The following ARHGAP6 variants were observed in gnomAD, a reference collection of about 807,000 sequenced individuals.
The protein encoded by ARHGAP6 is Rho GTPase activating protein 6, also known as rho GTPase-activating protein 6.
In ARHGAP6, 16 loss-of-function variants were observed where a neutral mutation model predicts 55.7. The ratio of observed to expected loss-of-function variants is 0.29; its 90% CI spans 0.19 to 0.44. The LOEUF is 0.44. ARHGAP6 is among the 20% of genes least tolerant of loss of function. The pLI is 1.00. For missense variants in ARHGAP6, 698 were observed against 808.9 expected, an observed-to-expected ratio of 0.86 and a Z score of 1.66; for synonymous variants, 382 against 360.9, an observed-to-expected ratio of 1.06 and a Z score of -0.66.
chrX:11,358,666 G>A (rs1478418522), intron 1 of ARHGAP6, among the ~76,000 whole-genome samples: 1 of 110,131 alleles, frequency 9.1e-6, no homozygotes, highest in Non-Finnish European at 1.9e-5. Flanking sequence ...TTTTTTAGTA[G>A]AGGTGGGGTT....
chrX:11,404,845 A>G (rs1295316330), intron 1 of ARHGAP6, among the ~76,000 whole-genome samples: 1 of 112,335 alleles, frequency 8.9e-6, no homozygotes, highest in Non-Finnish European at 1.9e-5. Flanking sequence ...CATTCTAACT[A>G]TCTTATTGTA....
chrX:11,324,017 AATAGCCAACACC>A, intron 1 of ARHGAP6, among the ~76,000 whole-genome samples: 1 of 111,761 alleles, frequency 8.9e-6, no homozygotes, highest in East Asian at 2.8e-4. Flanking sequence ...CAGCAGAAAC[AATAGCCAACACC>A]ATAGACATCT....
intron 1 of ARHGAP6, among the ~76,000 whole-genome samples, chrX:11,531,259 T>G (rs1345582230): frequency 8.9e-6 from 1 of 111,794 alleles, no homozygotes; most frequent in Non-Finnish European, 1.9e-5. Context: ...AATTCAGATG[T>G]TTGACTCTTA....
chrX:11,534,748 A>G (rs1248139841), intron 1 of ARHGAP6, among the ~76,000 whole-genome samples: 1 of 111,779 alleles, frequency 8.9e-6, no homozygotes, highest in Non-Finnish European at 1.9e-5. Flanking sequence ...ATTTTAAACT[A>G]TATTCTATTT....
chrX:11,618,937 T>C (rs1406510723), intron 1 of ARHGAP6, among the ~76,000 whole-genome samples: 1 of 111,661 alleles, frequency 9.0e-6, no homozygotes, highest in Non-Finnish European at 1.9e-5. Flanking sequence ...TTTTTTTTAA[T>C]GCAGACAATC....
intron 1 of ARHGAP6, among the ~76,000 whole-genome samples, chrX:11,281,102 A>G: frequency 8.9e-6 from 1 of 112,217 alleles, no homozygotes; most frequent in Non-Finnish European, 1.9e-5. Flanking sequence ...AACAAACTCC[A>G]ACCACCTACA....
chrX:11,651,291 CTGCT>C (rs75256726), intron 1 of ARHGAP6, among the ~76,000 whole-genome samples: 15,494 of 111,022 alleles, frequency 0.14, 1,021 homozygotes, highest in Middle Eastern at 0.26. Flanking sequence ...CCTCCTCCCA[CTGCT>C]CACCCTCAGG....
chrX:11,467,412 T>G (rs1603221340), intron 1 of ARHGAP6, among the ~76,000 whole-genome samples: 1 of 109,967 alleles, frequency 9.1e-6, no homozygotes. Context: ...CTAAAAAGGA[T>G]GTATCTTTAT....
intron 1 of ARHGAP6, among the ~76,000 whole-genome samples, chrX:11,315,251 C>T (rs756381230): frequency 1.8e-5 from 2 of 112,351 alleles, no homozygotes; most frequent in East Asian, 2.8e-4. Context: ...ACAGACAGTG[C>T]GGCGGGGATG....
At chrX:11,195,642 C>T (rs1029177548) in intron 3 of ARHGAP6, among the ~76,000 whole-genome samples, 3 of 110,219 alleles carry the variant, frequency 2.7e-5, no homozygotes, top group African/African-American at 9.9e-5. Flanking sequence ...GGGAACAAGA[C>T]ACACTGGAGC....
At chrX:11,276,646 TCTG>T (rs1569282518) in intron 1 of ARHGAP6, among the ~76,000 whole-genome samples, 1 of 111,709 alleles carries the variant, frequency 9.0e-6, no homozygotes, top group East Asian at 2.8e-4. Context: ...AAACAAGCCA[TCTG>T]CACTTACTGG....
intron 10 of ARHGAP6, among the ~76,000 whole-genome samples, chrX:11,145,943 C>G (rs769926981): frequency 8.9e-6 from 1 of 112,071 alleles, no homozygotes; most frequent in Non-Finnish European, 1.9e-5. Context: ...AATAACCAAA[C>G]CTTATTTTCC....
chrX:11,392,609 A>G (rs1422811912), intron 1 of ARHGAP6, among the ~76,000 whole-genome samples: 1 of 111,584 alleles, frequency 9.0e-6, no homozygotes, highest in Non-Finnish European at 1.9e-5. Context: ...CTTAATCTCA[A>G]ATTGATTGTC....
Position 11,492,483 on chromosome X carries a change from G to A in ARHGAP6, c.588+171758C>T, listed in dbSNP as rs749904391. On this transcript the variant is annotated intron_variant, in intron 1 of 12. Transcript: ENST00000337414. ...CATTCAAAGAGCACTGCTATCTACT[G>A]ACCAAGTCCTATACGTGCTGAGCAT... Among the ~76,000 whole-genome samples, 5 of 111,601 alleles carry A rather than the reference G, an allele frequency of 4.5e-5. No individual in the cohort carries two copies. The East Asian group carries it at 1.1e-3, about 25-fold the overall frequency.
In ARHGAP6 at chrX:11,626,379, C is replaced by T. The variant is rs926818110; in HGVS notation, c.588+37862G>A. Among the ~76,000 whole-genome samples the T allele has an allele frequency of 2.7e-5, 3 of 111,278 alleles. No individual in the cohort carries two copies. In the Admixed American group the frequency reaches 2.9e-4, roughly 11 times the overall value. ...CACAGGGTTTTATGATCTGTACAGA[C>T]TATTTCAGAAAATGGAAAAAAATTA... On this transcript the variant is annotated intron_variant, in intron 1 of 12. Coordinates refer to ENST00000337414, the MANE Select transcript of ARHGAP6 (RefSeq NM_013427.3).
intron 1 of ARHGAP6, among the ~76,000 whole-genome samples, chrX:11,325,611 T>C (rs1231065042): frequency 8.9e-6 from 1 of 112,489 alleles, no homozygotes. Context: ...CCTACACAGA[T>C]AACATCTGAA....
intron 1 of ARHGAP6, among the ~76,000 whole-genome samples, chrX:11,384,788 T>C (rs1264052076): frequency 9.0e-6 from 1 of 111,325 alleles, no homozygotes; most frequent in Non-Finnish European, 1.9e-5. Context: ...GTTTGAAAAG[T>C]TCCCCAGACC....
At chrX:11,156,666 C>T (rs767624752) in intron 9 of ARHGAP6, 40 bp from the exon 10 acceptor site, 21 of 1,024,287 alleles carry the variant, frequency 2.1e-5, no homozygotes, top group Non-Finnish European at 2.7e-5. Context: ...AAAACCATTC[C>T]AGAAACAGGC....
At chrX:11,566,520 C>T (rs903562959) in intron 1 of ARHGAP6, among the ~76,000 whole-genome samples, 1 of 112,134 alleles carries the variant, frequency 8.9e-6, no homozygotes, top group Non-Finnish European at 1.9e-5. Context: ...TATGTTAATT[C>T]ATGACAAAAT....
Sources: gnomAD v4.1 joint callset for allele counts (sites outside exome capture counted in the v4.1 genomes callset) on GRCh38, gnomAD v4.1.1 for gene constraint, MANE v1.5 for transcripts, NCBI Gene and HGNC (gene_info 2026-07-23, HGNC 2026-07-21) for gene names.